CDH1: variants seen among roughly 807,000 people sequenced by gnomAD.
The protein encoded by CDH1 is cadherin-1.
A neutral mutation model predicts 84.5 loss-of-function variants in CDH1; 35 were observed. The ratio of observed to expected loss-of-function variants is 0.41; its 90% CI spans 0.32 to 0.55. The LOEUF (loss-of-function observed/expected upper bound fraction) is 0.55, where lower values mean the gene tolerates loss of function less well. Ranked by LOEUF, CDH1 falls within the 20% of genes least tolerant of loss-of-function variation. CDH1 has a pLI of 0.19. For synonymous variants in CDH1, 417 were observed against 439.0 expected (o/e 0.95, Z 0.63); for missense variants, 994 against 1,126.6 (o/e 0.88, Z 1.68).
chr16:68,747,395 G>A (rs1222762677), intron 2 of CDH1, among the ~76,000 whole-genome samples: 1 of 152,162 alleles, frequency 6.6e-6, no homozygotes, highest in African/African-American at 2.4e-5. Context: ...GTGGGTCATG[G>A]AGGGTTTTCT....
intron 11 of CDH1, among the ~76,000 whole-genome samples, chr16:68,819,983 G>C (rs1378889254): frequency 1.3e-5 from 2 of 152,226 alleles, no homozygotes; most frequent in East Asian, 3.9e-4. Flanking sequence ...AGGATCACTT[G>C]AGCCCAGGAG....
At chr16:68,751,337 C>A (rs1264804691) in intron 2 of CDH1, among the ~76,000 whole-genome samples, 1 of 152,128 alleles carries the variant, frequency 6.6e-6, no homozygotes, top group Non-Finnish European at 1.5e-5. Context: ...CCTGGTTATA[C>A]TTAGAACACA....
intron 2 of CDH1, among the ~76,000 whole-genome samples, chr16:68,781,323 C>A (rs1365112112): frequency 2.6e-5 from 4 of 152,122 alleles, no homozygotes; most frequent in African/African-American, 4.8e-5. Flanking sequence ...CATTTTAACC[C>A]CTCAGTATGT....
At chr16:68,796,993 A>AT (rs1382190536) in intron 2 of CDH1, among the ~76,000 whole-genome samples, 1 of 152,026 alleles carries the variant, frequency 6.6e-6, no homozygotes, top group Non-Finnish European at 1.5e-5. Flanking sequence ...ATAAAATTAC[A>AT]TTTTTTGCTG....
intron 3 of CDH1, among the ~76,000 whole-genome samples, chr16:68,805,677 C>A (rs1960636228): frequency 4.6e-5 from 7 of 152,238 alleles, no homozygotes; most frequent in Admixed American, 4.6e-4. Flanking sequence ...TCACTGCAAC[C>A]TCCACCTCCT....
intron 2 of CDH1, among the ~76,000 whole-genome samples, chr16:68,744,958 G>C (rs1386104328): frequency 6.6e-5 from 10 of 152,150 alleles, no homozygotes; most frequent in Admixed American, 2.6e-4. Context: ...ACAGTGCACT[G>C]CAAACAGTGA....
At position 68,792,503 on chromosome 16, in the gene CDH1, C is replaced by T. The variant is rs1187330916; in HGVS notation, c.164-9167C>T. On this transcript the variant is annotated intron_variant, in intron 2 of 15. Coordinates refer to ENST00000261769, the MANE Select transcript of CDH1 (RefSeq NM_004360.5). The stretch of plus-strand genomic sequence containing the variant: ...CCTCCCAAAGGGCTGGGATTATAGG[C>T]GTGAGCCAGTACGCCCTGCGACACT... Among the ~76,000 whole-genome samples, 3 of 152,164 alleles carry T rather than the reference C, an allele frequency of 2.0e-5. No homozygotes were observed. The East Asian group carries it at 5.8e-4, about 29-fold the overall frequency.
At chr16:68,825,210 G>T (rs756837135) in intron 13 of CDH1, among the ~76,000 whole-genome samples, 6 of 152,210 alleles carry the variant, frequency 3.9e-5, no homozygotes, top group Non-Finnish European at 8.8e-5. Context: ...AGGGTAGTCA[G>T]AAAAGGCTGT....
chr16:68,785,753 A>G (rs1362883075), intron 2 of CDH1, among the ~76,000 whole-genome samples: 5 of 150,770 alleles, frequency 3.3e-5, no homozygotes, highest in Non-Finnish European at 7.4e-5. Context: ...TTTTTTTTTA[A>G]TAGGTTCATA....
chr16:68,831,016 T>G (rs1461216597), intron 15 of CDH1, among the ~76,000 whole-genome samples: 1 of 151,348 alleles, frequency 6.6e-6, no homozygotes, highest in Non-Finnish European at 1.5e-5. Context: ...TGTCTGATGG[T>G]CCAGTGGCCC....
chr16:68,828,873 C>T (rs879249916), intron 14 of CDH1, among the ~76,000 whole-genome samples: 1 of 152,066 alleles, frequency 6.6e-6, no homozygotes, highest in Non-Finnish European at 1.5e-5. Flanking sequence ...ATTACAGAGT[C>T]CTGTTTTTGA....
rs774580004 is a variant in CDH1, at chr16:68,834,409, G to A, written c.*910G>A. ...CTTTTTATTTTTTTGTACAGATGGG[G>A]TCTTGCTATGTTGCCCAAGCTGGTC... On this transcript the variant is annotated 3_prime_UTR_variant, in exon 16 of 16. Transcript: ENST00000261769. 14 of 379,984 alleles carry A rather than the reference G, an allele frequency of 3.7e-5. No individual in the cohort carries two copies. Among genetic ancestry groups the A allele is most frequent in the Non-Finnish European group, 5.1e-5 (10 of 195,704 alleles). 23.5% of individuals were successfully genotyped at this position (379,984 alleles called of 1,614,324 possible). A position where few individuals can be genotyped will look rare whatever the true frequency, so the allele number is the denominator to read the frequency against.
chr16:68,773,488 G>A lies in CDH1; in HGVS notation c.164-28182G>A, dbSNP rs529662855. ...ATTTTTTTGTATTTTTAGTACAGAC[G>A]GGGTTTCGCCATGTTGGCCAGGCTG... On this transcript the variant is annotated intron_variant, in intron 2 of 15. Coordinates refer to ENST00000261769, the MANE Select transcript of CDH1 (RefSeq NM_004360.5). 1.1e-3 allele frequency among the ~76,000 whole-genome samples: 165 copies of A among 152,112 alleles called. 1 individual carries two copies. Among genetic ancestry groups the A allele is most frequent in the South Asian group, 9.6e-3 (46 of 4,808 alleles).
At chr16:68,804,822 A>G (rs1019502612) in intron 3 of CDH1, among the ~76,000 whole-genome samples, 2 of 124,578 alleles carry the variant, frequency 1.6e-5, no homozygotes, top group Admixed American at 1.6e-4. Context: ...AGGTAACAAA[A>G]TCTTTTTTTT....
chr16:68,819,577 G>A lies in CDH1; in HGVS notation c.1711+152G>A, dbSNP rs1476631589. ...TTGTATAAATGTATGGAGTACAAGGGTAATTTTGTTACATGCATAGATGTG... is the reference window on the plus strand; with the variant it reads ...TTGTATAAATGTATGGAGTACAAGGATAATTTTGTTACATGCATAGATGTG... On this transcript the variant is annotated intron_variant, in intron 11 of 15. Coordinates refer to ENST00000261769, the MANE Select transcript of CDH1 (RefSeq NM_004360.5). 3.4e-5 allele frequency: 31 copies of A among 901,186 alleles called. 1 individual carries two copies. Among genetic ancestry groups the A allele is most frequent in the Non-Finnish European group, 3.5e-6 (2 of 574,060 alleles). 55.8% of individuals were successfully genotyped at this position (901,186 alleles called of 1,614,324 possible).
At chr16:68,743,345 TTCTTTCTTTCTTTC>T (rs1166471143) in intron 2 of CDH1, among the ~76,000 whole-genome samples, 3 of 21,932 alleles carry the variant, frequency 1.4e-4, no homozygotes, top group Admixed American at 4.1e-4. Flanking sequence ...CTTTCTTTCT[TTCTTTCTTTCTTTC>T]TTTCTTTTCT....
intron 2 of CDH1, among the ~76,000 whole-genome samples, chr16:68,743,949 T>C (rs1214591122): frequency 2.0e-5 from 3 of 152,252 alleles, no homozygotes; most frequent in Non-Finnish European, 4.4e-5. Context: ...GAGTGCCTGT[T>C]GTGTGTTAGC....
At position 68,833,602 on chromosome 16, in the gene CDH1, A is replaced by G. The variant is rs1027713288; in HGVS notation, c.*103A>G. The G allele has an allele frequency of 3.3e-5, 29 of 865,976 alleles. No individual in the cohort carries two copies. Among genetic ancestry groups the G allele is most frequent in the East Asian group, 2.0e-4 (8 of 40,562 alleles). The allele number at this position is 865,976 out of a possible 1,614,324, so 53.6% of individuals were successfully genotyped here. A position where few individuals can be genotyped will look rare whatever the true frequency, so the allele number is the denominator to read the frequency against. ...CTTCCCTTGAGATGAGTTTCTGGGGAAAAAAAAGAGACTGGTTAGTGATGC... is the reference window on the plus strand; with the variant it reads ...CTTCCCTTGAGATGAGTTTCTGGGGGAAAAAAAGAGACTGGTTAGTGATGC... On this transcript the variant is annotated 3_prime_UTR_variant, in exon 16 of 16. Coordinates refer to ENST00000261769, the MANE Select transcript of CDH1 (RefSeq NM_004360.5).
At chr16:68,828,804 G>A (rs936409511) in intron 14 of CDH1, among the ~76,000 whole-genome samples, 29 of 152,166 alleles carry the variant, frequency 1.9e-4, no homozygotes, top group South Asian at 1.2e-3. Context: ...GAGTTGTCCA[G>A]GGAACTGTTC....
Sources: allele counts gnomAD v4.1 joint callset (sites outside exome capture counted in the v4.1 genomes callset), GRCh38; gene constraint gnomAD v4.1.1; transcripts MANE v1.5; gene names NCBI Gene and HGNC (gene_info 2026-07-23, HGNC 2026-07-21).